Variants in CNOT1 observed in about 807,000 individuals in gnomAD.
CNOT1 encodes CCR4-NOT transcription complex subunit 1.
Under a neutral mutation model 273.8 loss-of-function variants are expected in CNOT1, and 15 were observed. The ratio of observed to expected loss-of-function variants is 0.05; its 90% CI spans 0.04 to 0.08. The LOEUF (loss-of-function observed/expected upper bound fraction) is 0.08, where lower values mean the gene tolerates loss of function less well. Ranked by LOEUF, CNOT1 falls within the 10% of genes least tolerant of loss-of-function variation. CNOT1 has a pLI of 1.00. For synonymous variants in CNOT1, 1,022 were observed against 1,005.5 expected (o/e 1.02, Z -0.31); for missense variants, 1,644 against 2,912.2 (o/e 0.56, Z 10.02).
intron 1 of CNOT1, among the ~76,000 whole-genome samples, chr16:58,602,424 A>C (rs1458643932): frequency 1.3e-5 from 2 of 151,846 alleles, no homozygotes; most frequent in African/African-American, 4.8e-5. Context: ...GTGGTGGTGC[A>C]CACCTATAAT....
At chr16:58,575,540 T>C (rs2041428151) in intron 14 of CNOT1, among the ~76,000 whole-genome samples, 1 of 152,230 alleles carries the variant, frequency 6.6e-6, no homozygotes, top group South Asian at 2.1e-4. Context: ...GGCTCACGAC[T>C]GTAATCCCAG....
chr16:58,564,135 A>G (rs1184054546), intron 16 of CNOT1, among the ~76,000 whole-genome samples: 6 of 152,212 alleles, frequency 3.9e-5, no homozygotes, highest in Non-Finnish European at 8.8e-5. Flanking sequence ...ATAGGGATAA[A>G]TATACGAATA....
chr16:58,533,702 G>A (rs1041485710), intron 40 of CNOT1, among the ~76,000 whole-genome samples: 1 of 152,104 alleles, frequency 6.6e-6, no homozygotes, highest in Non-Finnish European at 1.5e-5. Flanking sequence ...GCAAGTGCCT[G>A]TAGTCCCAGC....
intron 1 of CNOT1, among the ~76,000 whole-genome samples, chr16:58,619,838 T>C (rs529620187): frequency 9.9e-5 from 15 of 152,254 alleles, no homozygotes; most frequent in Non-Finnish European, 2.1e-4. Flanking sequence ...GAAAACTCTA[T>C]CCAAATAAAA....
chr16:58,620,067 G>T (rs926599331), intron 1 of CNOT1, among the ~76,000 whole-genome samples: 2 of 152,012 alleles, frequency 1.3e-5, no homozygotes, highest in Admixed American at 1.3e-4. Context: ...AAAAACCAGA[G>T]TATCGATTTC....
rs1028946945 is a variant in CNOT1 at position 58,521,044 on chromosome 16, A to T, written c.7053-8T>A. 1 of 1,614,154 alleles carries T rather than the reference A, an allele frequency of 6.2e-7. No individual in the cohort carries two copies. Among genetic ancestry groups the T allele is most frequent in the African/African-American group, 1.3e-5 (1 of 75,068 alleles). ...GCGACCGACTGGAATAACCTGAAGG[A>T]TGAAGACAGTTACAAATCTCTGATT... On this transcript the variant is annotated splice_polypyrimidine_tract_variant and splice_region_variant and intron_variant, in intron 48 of 48. Transcript: ENST00000317147.
In CNOT1 at chr16:58,579,742, T is replaced by C. The variant is rs141909034; in HGVS notation, c.1344-803A>G. ...AGGCCGCGCTCTCTCCCTGTAGCCC[T>C]GCGTACTTCAAAAATGATCAAAGTA... On this transcript the variant is annotated intron_variant, in intron 12 of 48. Coordinates refer to ENST00000317147, the MANE Select transcript of CNOT1 (RefSeq NM_016284.5). Among the ~76,000 whole-genome samples the C allele has an allele frequency of 6.6e-5, 10 of 152,316 alleles. No individual in the cohort carries two copies. The East Asian group carries it at 1.9e-3, about 29-fold the overall frequency.
chr16:58,521,816 G>A (rs762430828), intron 47 of CNOT1, among the ~76,000 whole-genome samples: 44 of 151,952 alleles, frequency 2.9e-4, no homozygotes, highest in Non-Finnish European at 5.7e-4. Context: ...GTCAGACATG[G>A]TGGCCACATG....
intron 16 of CNOT1, among the ~76,000 whole-genome samples, chr16:58,564,894 C>T (rs1424507206): frequency 6.6e-6 from 1 of 151,948 alleles, no homozygotes; most frequent in African/African-American, 2.4e-5. Context: ...GAAGATTGTG[C>T]CATTACACCC....
At chr16:58,580,851 G>A in intron 11 of CNOT1, 91 bp from the exon 12 acceptor site, 1 of 1,233,724 alleles carries the variant, frequency 8.1e-7, no homozygotes, top group Non-Finnish European at 1.1e-6. Flanking sequence ...CAATCTTAAG[G>A]TTATTAGCAT....
intron 29 of CNOT1, among the ~76,000 whole-genome samples, chr16:58,545,790 T>G (rs2151921254): frequency 6.6e-6 from 1 of 152,334 alleles, no homozygotes; most frequent in East Asian, 1.9e-4. Context: ...ATATTATAAA[T>G]GTATGTTTTC....
At chr16:58,545,950 C>G (rs961503412) in intron 29 of CNOT1, among the ~76,000 whole-genome samples, 17 of 152,186 alleles carry the variant, frequency 1.1e-4, no homozygotes, top group African/African-American at 3.6e-4. Context: ...AAAACAGTCC[C>G]ATTCCCTTGG....
At chr16:58,585,896 TG>T (rs1294732257) in intron 7 of CNOT1, among the ~76,000 whole-genome samples, 3 of 152,166 alleles carry the variant, frequency 2.0e-5, no homozygotes, top group African/African-American at 7.2e-5. Context: ...TTAGTGAGAA[TG>T]TTAATGTACA....
intron 14 of CNOT1, 82 bp from the exon 15 acceptor site, chr16:58,575,211 A>T: frequency 6.5e-7 from 1 of 1,546,688 alleles, no homozygotes; most frequent in South Asian, 1.2e-5. Context: ...TTCGCTTTCC[A>T]CAAACAAGTT....
Position 58,542,558 on chromosome 16 carries a change from G to A in CNOT1, c.4445C>T (p.Pro1482Leu), listed in dbSNP as rs2040121553. ...CTGATCCATCATTTCTCTTTGTTGT[G>A]GGGAAGCAGTCTATTAATGGAGGTG... ...SFASALRTASPQQREMMDQAA... is the reference protein window; with the variant it reads ...SFASALRTASLQQREMMDQAA... The change falls in exon 32 of 49, where the codon CCA (proline) becomes CTA (leucine). Residue 1482 changes from proline to leucine, a missense_variant. Transcript: ENST00000317147. 2 of 1,312,412 alleles carry A rather than the reference G, an allele frequency of 1.5e-6. No individual in the cohort carries two copies. The highest frequency in any genetic ancestry group is 2.1e-6 in the Non-Finnish European group (2 of 968,194). The allele number at this position is 1,312,412 out of a possible 1,614,324, so 81.3% of individuals were successfully genotyped here.
intron 1 of CNOT1, among the ~76,000 whole-genome samples, chr16:58,605,109 G>A (rs543911667): frequency 2.8e-4 from 42 of 152,080 alleles, no homozygotes; most frequent in African/African-American, 9.4e-4. Flanking sequence ...GCACTGCAGC[G>A]TAGGCGACAG....
rs139919730 is a variant in CNOT1 at position 58,593,839 on chromosome 16, C to A, written c.103-4933G>T. 6.8e-4 allele frequency among the ~76,000 whole-genome samples: 103 copies of A among 152,256 alleles called. 1 individual carries two copies. In the East Asian group the frequency reaches 0.011, roughly 17 times the overall value. On this transcript the variant is annotated intron_variant, in intron 2 of 48. Transcript: ENST00000317147. ...TATCCATCAACTGATGATACAGATA[C>A]ACAAAATATGAAATATCTATATAGT... is the stretch of plus-strand genomic sequence containing the variant.
intron 1 of CNOT1, among the ~76,000 whole-genome samples, chr16:58,604,796 T>TA (rs1218956366): frequency 0.036 from 1,722 of 48,112 alleles, 14 homozygotes; most frequent in South Asian, 0.062. Flanking sequence ...AAACTCCGTC[T>TA]AAAAAAAAAA....
rs770344668 is a variant in CNOT1, at chr16:58,588,856, T to C, written c.153A>G (p.Leu51=). ...CGCCACTGAAATCCACATGCGAAAA[T>C]AGGCAGCGTAATAAATGCCTGTCTG... The part of the protein sequence containing the change: ...PEADRHLLRC[L]FSHVDFSGDG... The change falls in exon 3 of 49, where the codon CTA becomes CTG. Residue 51 remains leucine (L), a synonymous_variant. Coordinates refer to ENST00000317147, the MANE Select transcript of CNOT1 (RefSeq NM_016284.5). 19 of 1,613,588 alleles carry C rather than the reference T, an allele frequency of 1.2e-5. No homozygotes were observed. Among genetic ancestry groups the C allele is most frequent in the South Asian group, 5.5e-5 (5 of 91,050 alleles).
Sources: allele counts gnomAD v4.1 joint callset (sites outside exome capture counted in the v4.1 genomes callset), GRCh38; gene constraint gnomAD v4.1.1; transcripts MANE v1.5; gene names NCBI Gene and HGNC (gene_info 2026-07-23, HGNC 2026-07-21).